The following ANO2 variants were observed in gnomAD, a reference collection of about 807,000 sequenced individuals.
ANO2 encodes anoctamin 2.
In ANO2, 101 loss-of-function variants were observed where a neutral mutation model predicts 124.2. The ratio of observed to expected loss-of-function variants is 0.81; its 90% CI spans 0.69 to 0.96. The LOEUF is 0.96. Among genes scored for constraint, ANO2 ranks in the 40% least tolerant of loss-of-function variants. ANO2 has a pLI of 0.00. For missense variants in ANO2, 1,293 were observed against 1,274.5 expected (o/e 1.01, Z -0.22); for synonymous variants, 486 against 482.5 (o/e 1.01, Z -0.09).
intron 10 of ANO2, among the ~76,000 whole-genome samples, chr12:5,753,895 T>C (rs1003338250): frequency 1.1e-4 from 16 of 152,210 alleles, no homozygotes; most frequent in African/African-American, 2.2e-4. Flanking sequence ...TCTTGACTAA[T>C]TGCTCTTGCT....
At chr12:5,861,444 T>C (rs1955267257) in intron 3 of ANO2, among the ~76,000 whole-genome samples, 1 of 152,204 alleles carries the variant, frequency 6.6e-6, no homozygotes, top group African/African-American at 2.4e-5. Context: ...TGTTTTTGTC[T>C]TGTTGTTGTT....
Position 5,908,528 on chromosome 12 carries a change from C to T in ANO2, c.534+12512G>A, listed in dbSNP as rs1296162586. Among the ~76,000 whole-genome samples, 4 of 152,110 alleles carry T rather than the reference C, an allele frequency of 2.6e-5. No individual in the cohort carries two copies. Among genetic ancestry groups the T allele is most frequent in the East Asian group, 1.9e-4 (1 of 5,188 alleles). ...CCACAGTGGAGTGGTTTGCAGTAGC[C>T]GAGACTCCCAACCCAGTGATGCTCA... On this transcript the variant is annotated intron_variant, in intron 3 of 24. Transcript: ENST00000682330. The surrounding 1 kb of genome is among the most constrained non-coding windows in gnomAD (Gnocchi z 4.7).
At chr12:5,624,436 G>C (rs1170685544) in intron 16 of ANO2, among the ~76,000 whole-genome samples, 1 of 152,076 alleles carries the variant, frequency 6.6e-6, no homozygotes, top group African/African-American at 2.4e-5. Flanking sequence ...GGAGAGAGCA[G>C]GAAGGTGTGC....
chr12:5,740,641 G>T (rs1342260338), intron 12 of ANO2, among the ~76,000 whole-genome samples: 1 of 152,146 alleles, frequency 6.6e-6, no homozygotes, highest in Non-Finnish European at 1.5e-5. Flanking sequence ...GAAGAGAAGT[G>T]CTACCTGCCA....
chr12:5,728,304 A>T (rs1950519441), intron 14 of ANO2, among the ~76,000 whole-genome samples: 1 of 152,228 alleles, frequency 6.6e-6, no homozygotes, highest in Admixed American at 6.5e-5. Flanking sequence ...AGTTCAGAAA[A>T]GTTATGGGAT....
chr12:5,891,794 A>T (rs187918619), intron 3 of ANO2, among the ~76,000 whole-genome samples: 1 of 152,000 alleles, frequency 6.6e-6, no homozygotes. Flanking sequence ...CAGAACTTGC[A>T]ACTTCAACCC....
intron 14 of ANO2, among the ~76,000 whole-genome samples, chr12:5,721,194 C>T (rs1034284515): frequency 6.6e-6 from 1 of 152,284 alleles, no homozygotes; most frequent in South Asian, 2.1e-4. Flanking sequence ...CATGCACACT[C>T]ACATACACAC....
chr12:5,639,080 A>G (rs776216059), intron 15 of ANO2, among the ~76,000 whole-genome samples: 2 of 152,076 alleles, frequency 1.3e-5, no homozygotes, highest in Admixed American at 6.6e-5. Context: ...GTCAGAGAAA[A>G]CTCCACAGAA....
rs747259767 is a variant in ANO2 at position 5,873,227 on chromosome 12, CTCTCTCTCTCTCTCTCTCTG to C, written c.535-19106_535-19087del. Reference sequence around the variant, plus strand: ...TCTCTCTCTCTCTCTCTCTCTCTCTCTCTCTCTCTCTCTCTCTCTGTCTGTCTCTCTCCCTTTCTCTCTTT... The same window carrying C: ...TCTCTCTCTCTCTCTCTCTCTCTCTCTCTGTCTCTCTCCCTTTCTCTCTTT... On this transcript the variant is annotated intron_variant, in intron 3 of 24. Transcript: ENST00000682330. Among the ~76,000 whole-genome samples, 19 of 96,422 alleles carry C rather than the reference CTCTCTCTCTCTCTCTCTCTG, an allele frequency of 2.0e-4. 1 individual carries two copies. In the South Asian group the frequency reaches 8.0e-3, roughly 40 times the overall value. The allele number at this position is 96,422 out of a possible 152,430, so 63.3% of individuals were successfully genotyped here. A position where few individuals can be genotyped will look rare whatever the true frequency, so the allele number is the denominator to read the frequency against.
chr12:5,598,221 G>C (rs1255324887), intron 20 of ANO2, among the ~76,000 whole-genome samples: 1 of 152,196 alleles, frequency 6.6e-6, no homozygotes. Flanking sequence ...GAAGGGAGCA[G>C]GAGTCATATG....
chr12:5,940,886 T>C (rs963010471), intron 1 of ANO2, among the ~76,000 whole-genome samples: 24 of 152,196 alleles, frequency 1.6e-4, no homozygotes, highest in African/African-American at 5.1e-4. Flanking sequence ...AAACAAAATG[T>C]AGCCTATCCA....
chr12:5,744,188 G>C lies in ANO2; in HGVS notation c.1320C>G (p.Thr440=). ...QASHLFDNPA[T]VFFSIFMALW... Reference sequence around the variant, plus strand: ...GAGCCATGAAGATAGAGAAGAAGACGGTGGCAGGGTTGTCAAACAGGTGGC... The same window carrying C: ...GAGCCATGAAGATAGAGAAGAAGACCGTGGCAGGGTTGTCAAACAGGTGGC... Residue 440 remains threonine, a synonymous_variant, in exon 12 of 25, where the codon ACC becomes ACG. Transcript: ENST00000682330. 1 of 1,613,156 alleles carries C rather than the reference G, an allele frequency of 6.2e-7. No individual in the cohort carries two copies. Among genetic ancestry groups the C allele is most frequent in the Non-Finnish European group, 8.5e-7 (1 of 1,179,884 alleles).
chr12:5,841,225 C>A (rs752419352), intron 4 of ANO2, among the ~76,000 whole-genome samples: 15 of 152,188 alleles, frequency 9.9e-5, no homozygotes, highest in Non-Finnish European at 1.3e-4. Context: ...AGGGAAACAG[C>A]GCCAGGAGCA....
rs1591632062 is a variant in ANO2 at position 5,799,671 on chromosome 12, G to T, written c.991-100C>A. 1.0e-5 allele frequency: 11 copies of T among 1,078,462 alleles called. No individual in the cohort carries two copies. In the East Asian group the frequency reaches 2.5e-4, roughly 24 times the overall value. The allele number at this position is 1,078,462 out of a possible 1,614,324, so 66.8% of individuals were successfully genotyped here. On this transcript the variant is annotated intron_variant, in intron 9 of 24. Transcript: ENST00000682330. ...GTCAGATTTTTATCCCCAAAGTCCA[G>T]CTTCTAAGAAATTCTCATGAGACAT...
At position 5,568,651 on chromosome 12, in the gene ANO2, G is replaced by A. The variant is rs552327744; in HGVS notation, c.2622-2988C>T. 3.0e-3 allele frequency among the ~76,000 whole-genome samples: 461 copies of A among 152,260 alleles called. 2 individuals are homozygous for A. The highest frequency in any genetic ancestry group is 0.011 in the African/African-American group (445 of 41,554). On this transcript the variant is annotated intron_variant, in intron 23 of 24. Transcript: ENST00000682330. ...CACTAATTAAACAAAGAGACAATTA[G>A]CTTTAAGAATAGAAGTGTTCACCAA...
At chr12:5,857,220 C>G (rs1453752830) in intron 3 of ANO2, among the ~76,000 whole-genome samples, 2 of 152,180 alleles carry the variant, frequency 1.3e-5, no homozygotes, top group African/African-American at 4.8e-5. Flanking sequence ...TCTGCCCTGC[C>G]TGTGGATGTG....
chr12:5,688,991 G>A (rs1948816696), intron 14 of ANO2, among the ~76,000 whole-genome samples: 2 of 152,060 alleles, frequency 1.3e-5, no homozygotes, highest in South Asian at 4.2e-4. Flanking sequence ...GAGGAATGAG[G>A]AAAGAGAAGG....
At chr12:5,935,372 G>A (rs1315012334) in intron 1 of ANO2, among the ~76,000 whole-genome samples, 1 of 152,174 alleles carries the variant, frequency 6.6e-6, no homozygotes, top group East Asian at 1.9e-4. Context: ...AGGCACTGGA[G>A]ACACACCTAG....
rs553539612 is a variant in ANO2, at chr12:5,605,316, G to A, written c.2088-5687C>T. On this transcript the variant is annotated intron_variant, in intron 19 of 24. Coordinates refer to ENST00000682330, the MANE Select transcript of ANO2 (RefSeq NM_001364791.2). ...CCCTCCCGTGTTGGCTTTAAAGAGA[G>A]CCTGTTTTATGTCTGGAAATATAAC... Among the ~76,000 whole-genome samples the A allele has an allele frequency of 3.3e-5, 5 of 152,312 alleles. No homozygotes were observed. The East Asian group carries it at 9.6e-4, about 29-fold the overall frequency.
Sources: allele counts gnomAD v4.1 joint callset (sites outside exome capture counted in the v4.1 genomes callset), GRCh38; gene constraint gnomAD v4.1.1; non-coding constraint Gnocchi (gnomAD v3.1); transcripts MANE v1.5; gene names NCBI Gene and HGNC (gene_info 2026-07-23, HGNC 2026-07-21).